Variants in GRN observed in about 807,000 individuals in gnomAD.
GRN encodes progranulin.
A neutral mutation model predicts 66.7 loss-of-function variants in GRN; 30 were observed. That is an observed-to-expected ratio of 0.45 (90% confidence interval 0.34 to 0.61). The LOEUF (loss-of-function observed/expected upper bound fraction) is 0.61. Ranked by LOEUF, GRN falls within the 20% of genes least tolerant of loss-of-function variation. The pLI is 0.01. For missense variants in GRN, 731 were observed against 803.5 expected (o/e 0.91, Z 1.09); for synonymous variants, 327 against 311.1 (o/e 1.05, Z -0.54).
At chr17:44,351,977 G>A in intron 10 of GRN, 38 bp from the exon 11 acceptor site, 4 of 1,552,604 alleles carry the variant, frequency 2.6e-6, no homozygotes, top group Middle Eastern at 2.0e-4. Context: ...GCCCCACATA[G>A]TGGCTACCTA....
In GRN at chr17:44,351,910, G is replaced by A. The variant is rs957189468; in HGVS notation, c.1180-105G>A. 8.0e-5 allele frequency: 117 copies of A among 1,467,508 alleles called. 1 individual carries two copies. In the South Asian group the frequency reaches 1.3e-3, roughly 16 times the overall value. 90.9% of individuals were successfully genotyped at this position (1,467,508 alleles called of 1,614,324 possible). On this transcript the variant is annotated intron_variant, in intron 10 of 12. Coordinates refer to ENST00000053867, the MANE Select transcript of GRN (RefSeq NM_002087.4). Reference sequence around the variant, plus strand: ...CCCAGCTCTGACAGATTCGTCCCCAGCTGGAGGTGCTGTAAGCAGGAGAGG... The same window carrying A: ...CCCAGCTCTGACAGATTCGTCCCCAACTGGAGGTGCTGTAAGCAGGAGAGG...
Position 44,350,301 on chromosome 17 carries a change from T to G in GRN, c.423T>G (p.Val141=), listed in dbSNP as rs1409100248. 1 of 1,613,464 alleles carries G rather than the reference T, an allele frequency of 6.2e-7. No homozygotes were observed. The highest frequency in any genetic ancestry group is 1.3e-5 in the African/African-American group (1 of 74,796). Residue 141 remains valine (V), a synonymous_variant, in exon 5 of 13, where the codon GTT becomes GTG. Transcript: ENST00000053867. Reference sequence around the variant, plus strand: ...GCCCGGACTTCTCCACGTGCTGTGTTATGGTCGATGGCTCCTGGGGGTGCT... The same window carrying G: ...GCCCGGACTTCTCCACGTGCTGTGTGATGGTCGATGGCTCCTGGGGGTGCT... ...FECPDFSTCC[V]MVDGSWGCCP... is the part of the protein sequence containing the mutation.
rs747112649 is a variant in GRN, at chr17:44,352,263, G to A, written c.1413+15G>A. On this transcript the variant is annotated intron_variant, in intron 11 of 12. Transcript: ENST00000053867. ...AGTTGCCCCATGTGAGTGCCTCCCTGCCTGCCCCTGGATAGGGGAGCTAAG... is the reference window on the plus strand; with the variant it reads ...AGTTGCCCCATGTGAGTGCCTCCCTACCTGCCCCTGGATAGGGGAGCTAAG... 3 of 1,603,276 alleles carry A rather than the reference G, an allele frequency of 1.9e-6. No homozygotes were observed. The highest frequency in any genetic ancestry group is 4.5e-5 in the East Asian group (2 of 44,790).
At chr17:44,351,928 A>G in intron 10 of GRN, 87 bp from the exon 11 acceptor site, 1 of 1,460,250 alleles carries the variant, frequency 6.8e-7, no homozygotes, top group African/African-American at 1.4e-5. Flanking sequence ...TGCTGTAAGC[A>G]GGAGAGGCGG....
intron 1 of GRN, among the ~76,000 whole-genome samples, chr17:44,347,770 G>C (rs2143317307): frequency 6.6e-6 from 1 of 151,712 alleles, no homozygotes; most frequent in South Asian, 2.1e-4. Flanking sequence ...TGACCAATAT[G>C]GTGAAACCCC....
At chr17:44,347,994 A>G (rs965484291) in intron 1 of GRN, among the ~76,000 whole-genome samples, 8 of 151,362 alleles carry the variant, frequency 5.3e-5, no homozygotes, top group Non-Finnish European at 1.2e-4. Flanking sequence ...GCTACTTAGT[A>G]GGAGGCCAAG....
At chr17:44,348,517 G>C (rs998347701) in intron 1 of GRN, among the ~76,000 whole-genome samples, 2 of 152,234 alleles carry the variant, frequency 1.3e-5, no homozygotes, top group Admixed American at 6.5e-5. Flanking sequence ...CCTTTTCTCT[G>C]GGTGAGGAGG....
Position 44,352,231 on chromosome 17 carries a change from T to C in GRN, c.1396T>C (p.Cys466Arg). Reference protein sequence around the residue: ...CCPSLGGSWACCQLPHAVCCE... With the variant: ...CCPSLGGSWARCQLPHAVCCE... ...CCCGAGCCTGGGTGGGAGCTGGGCC[T>C]GCTGCCAGTTGCCCCATGTGAGTGC... The change falls in exon 11 of 13, where the codon TGC (cysteine) becomes CGC (arginine). Residue 466 changes from cysteine to arginine, a missense_variant. Cys to Arg is a radical substitution (Grantham distance 180, BLOSUM62 -3). Coordinates refer to ENST00000053867, the MANE Select transcript of GRN (RefSeq NM_002087.4). 1.2e-6 allele frequency: 2 copies of C among 1,611,264 alleles called. No homozygotes were observed. The highest frequency in any genetic ancestry group is 1.1e-5 in the South Asian group (1 of 91,058).
In GRN at chr17:44,353,046, C is replaced by T; in HGVS notation, c.*248C>T. On this transcript the variant is annotated 3_prime_UTR_variant, in exon 13 of 13. Transcript: ENST00000053867. ...CCTGTGGCCAGGTGCTTTTCCCTATCCACAGGGGTGTTTGTGTGTGTGCGC... is the reference window on the plus strand; with the variant it reads ...CCTGTGGCCAGGTGCTTTTCCCTATTCACAGGGGTGTTTGTGTGTGTGCGC... 1.7e-6 allele frequency: 1 copy of T among 596,256 alleles called. No homozygotes were observed. The allele number at this position is 596,256 out of a possible 1,614,324, so 36.9% of individuals were successfully genotyped here.
intron 5 of GRN, 32 bp from the exon 6 acceptor site, chr17:44,350,410 G>C: frequency 6.2e-7 from 1 of 1,613,000 alleles, no homozygotes. Context: ...GGGGCAGGGG[G>C]TGAAGACGGA....
Position 44,349,312 on chromosome 17 carries a change from C to T in GRN, c.138+10C>T, listed in dbSNP as rs757798648. On this transcript the variant is annotated intron_variant, in intron 2 of 12. Coordinates refer to ENST00000053867, the MANE Select transcript of GRN (RefSeq NM_002087.4). ...CTGCCGTCCCCTTCTGGTGAGTGCC[C>T]CTCAGCCTAGGCAAGAGCTGGCAGC... 4.3e-6 allele frequency: 7 copies of T among 1,613,952 alleles called. No homozygotes were observed. The South Asian group carries it at 4.4e-5, about 10-fold the overall frequency.
At position 44,350,614 on chromosome 17, in the gene GRN, G is replaced by A. The variant is rs376011816; in HGVS notation, c.598+37G>A. The A allele has an allele frequency of 1.8e-4, 292 of 1,612,546 alleles. No homozygotes were observed. In the African/African-American group the frequency reaches 3.1e-3, roughly 17 times the overall value. On this transcript the variant is annotated intron_variant, in intron 6 of 12. Transcript: ENST00000053867. Reference sequence around the variant, plus strand: ...GGAGAGCATCAGGCCAGGGGCTGGGGCGGGGCCTCATTGACTCCAAGTGTA... The same window carrying A: ...GGAGAGCATCAGGCCAGGGGCTGGGACGGGGCCTCATTGACTCCAAGTGTA...
rs1228303659 is a variant in GRN at position 44,352,654 on chromosome 17, C to T, written c.1645-7C>T. 9.9e-6 allele frequency: 16 copies of T among 1,609,966 alleles called. No homozygotes were observed. Among genetic ancestry groups the T allele is most frequent in the Non-Finnish European group, 1.4e-5 (16 of 1,180,002 alleles). ...TCCAACCCTCTCGCCCCCCTCTGAC[C>T]ATCCAGGGCGTCTGTTGTGCTGATC... is the stretch of plus-strand genomic sequence containing the variant. On this transcript the variant is annotated splice_region_variant and splice_polypyrimidine_tract_variant and intron_variant, in intron 12 of 12. Transcript: ENST00000053867.
In GRN at chr17:44,352,366, A is replaced by G. The variant is rs775533893; in HGVS notation, c.1439A>G (p.His480Arg). ...PHAVCCEDRQ[H>R]CCPAGYTCNV... ...GCTGTGTGCTGCGAGGATCGCCAGC[A>G]CTGCTGCCCGGCTGGCTACACCTGC... The change falls in exon 12 of 13, where the codon CAC becomes CGC. Residue 480 changes from histidine (H) to arginine (R), a missense_variant. His to Arg is a conservative substitution (Grantham distance 29, BLOSUM62 0). Transcript: ENST00000053867. 2.5e-6 allele frequency: 4 copies of G among 1,613,602 alleles called. No homozygotes were observed. In the Admixed American group the frequency reaches 6.7e-5, roughly 27 times the overall value.
In GRN at chr17:44,352,831, A is replaced by G. The variant is rs750229957; in HGVS notation, c.*33A>G. 1.2e-6 allele frequency: 2 copies of G among 1,603,606 alleles called. No individual in the cohort carries two copies. The highest frequency in any genetic ancestry group is 1.7e-6 in the Non-Finnish European group (2 of 1,177,080). On this transcript the variant is annotated 3_prime_UTR_variant, in exon 13 of 13. Coordinates refer to ENST00000053867, the MANE Select transcript of GRN (RefSeq NM_002087.4). ...TACTGAAGACTCTGCAGCCCTCGGG[A>G]CCCCACTCGGAGGGTGCCCTCTGCT...
chr17:44,351,020 C>A lies in GRN; in HGVS notation c.709-17C>A. 1 of 1,612,764 alleles carries A rather than the reference C, an allele frequency of 6.2e-7. No individual in the cohort carries two copies. The highest frequency in any genetic ancestry group is 8.5e-7 in the Non-Finnish European group (1 of 1,179,816). The stretch of plus-strand genomic sequence containing the variant: ...TGAGCCTGGAAGTGACAAAGACCCA[C>A]CCCTGTCCCCACTCAGGCCACCTGC... On this transcript the variant is annotated splice_polypyrimidine_tract_variant and intron_variant, in intron 7 of 12. Transcript: ENST00000053867.
At chr17:44,347,288 T>C (rs2048332968) in intron 1 of GRN, among the ~76,000 whole-genome samples, 1 of 152,098 alleles carries the variant, frequency 6.6e-6, no homozygotes, top group African/African-American at 2.4e-5. Context: ...GGGGTTTTTT[T>C]GTTTTGTTTT....
Position 44,351,344 on chromosome 17 carries a change from C to T in GRN, c.836-19C>T, listed in dbSNP as rs1483047014. On this transcript the variant is annotated intron_variant, in intron 8 of 12. Transcript: ENST00000053867. The stretch of plus-strand genomic sequence containing the variant: ...TCCCCAGTGCCACTTCTGACCTGTC[C>T]TCTCTGCTTCCCTCACAGTGGGGGA... 3.1e-6 allele frequency: 5 copies of T among 1,597,134 alleles called. No homozygotes were observed. The African/African-American group carries it at 6.7e-5, about 21-fold the overall frequency.
In GRN at chr17:44,351,721, G is replaced by A; in HGVS notation, c.1105G>A (p.Val369Ile). The change falls in exon 10 of 13, where the codon GTC (valine) becomes ATC (isoleucine). Residue 369 changes from valine to isoleucine, a missense_variant. Val to Ile is a conservative substitution (Grantham distance 29). Transcript: ENST00000053867. ...GAAGAGAGATGTCCCCTGTGATAAT[G>A]TCAGCAGCTGTCCCTCCTCCGATAC... is the stretch of plus-strand genomic sequence containing the variant. ...ALKRDVPCDNVSSCPSSDTCC... is the reference protein window; with the variant it reads ...ALKRDVPCDNISSCPSSDTCC... 1 of 1,613,844 alleles carries A rather than the reference G, an allele frequency of 6.2e-7. No homozygotes were observed. The highest frequency in any genetic ancestry group is 1.3e-5 in the African/African-American group (1 of 75,034).
Sources: gnomAD v4.1 joint callset for allele counts (sites outside exome capture counted in the v4.1 genomes callset) on GRCh38, gnomAD v4.1.1 for gene constraint, MANE v1.5 for transcripts, NCBI Gene and HGNC (gene_info 2026-07-23, HGNC 2026-07-21) for gene names.